EXOC4: variants seen among roughly 807,000 people sequenced by gnomAD.
EXOC4 encodes exocyst complex component 4.
A neutral mutation model predicts 107.2 loss-of-function variants in EXOC4; 71 were observed. The observed-to-expected ratio is 0.66, with a 90% CI of 0.55 to 0.81. EXOC4 has a LOEUF of 0.81. Among genes scored for constraint, EXOC4 ranks in the 30% least tolerant of loss-of-function variants. The probability of loss-of-function intolerance (pLI) is 0.00; values close to 1 mark genes in which losing one functional copy is unlikely to be tolerated. For synonymous variants in EXOC4, 456 were observed against 441.2 expected (o/e 1.03, Z -0.42); for missense variants, 1,108 against 1,189.6 (o/e 0.93, Z 1.01).
intron 5 of EXOC4, among the ~76,000 whole-genome samples, chr7:133,349,562 G>T (rs1468065551): frequency 6.6e-6 from 1 of 152,060 alleles, no homozygotes; most frequent in Non-Finnish European, 1.5e-5. Context: ...TTCGTGTGTT[G>T]ATGGACTCTT....
downstream of EXOC4, among the ~76,000 whole-genome samples, chr7:134,067,735 G>A (rs1047316605): frequency 1.3e-4 from 19 of 149,460 alleles, no homozygotes; most frequent in Non-Finnish European, 2.2e-4. Flanking sequence ...GTTACTTTTA[G>A]CTATATATTA....
At chr7:133,710,576 C>T (rs1288491306) in intron 10 of EXOC4, among the ~76,000 whole-genome samples, 4 of 147,660 alleles carry the variant, frequency 2.7e-5, no homozygotes, top group South Asian at 2.2e-4. Context: ...AGGAGAATGG[C>T]GTGAACCCGG....
At chr7:133,939,588 C>T (rs1257008481) in intron 14 of EXOC4, among the ~76,000 whole-genome samples, 1 of 152,218 alleles carries the variant, frequency 6.6e-6, no homozygotes, top group East Asian at 1.9e-4. Flanking sequence ...TCTTGAACTT[C>T]TGGCTTTAGG....
At chr7:133,744,047 C>A (rs1205433503) in intron 10 of EXOC4, among the ~76,000 whole-genome samples, 1 of 151,968 alleles carries the variant, frequency 6.6e-6, no homozygotes, top group Non-Finnish European at 1.5e-5. Flanking sequence ...ACTTTATAAA[C>A]TTTACAACCA....
chr7:133,431,721 G>A (rs1429141904), intron 7 of EXOC4, among the ~76,000 whole-genome samples: 2 of 152,232 alleles, frequency 1.3e-5, no homozygotes, highest in Admixed American at 1.3e-4. Flanking sequence ...GTTAAGTGGA[G>A]TTGTGTGCCA....
chr7:133,557,916 G>A (rs986628528), intron 9 of EXOC4, among the ~76,000 whole-genome samples: 4 of 152,120 alleles, frequency 2.6e-5, no homozygotes, highest in Non-Finnish European at 4.4e-5. Context: ...ATTTGAACCC[G>A]GGAGGCGGAG....
intron 7 of EXOC4, among the ~76,000 whole-genome samples, chr7:133,381,027 G>T (rs1448459383): frequency 3.3e-5 from 5 of 152,096 alleles, no homozygotes; most frequent in African/African-American, 1.2e-4. Flanking sequence ...TGTTGTGGAA[G>T]AATGGCCTTA....
intron 12 of EXOC4, among the ~76,000 whole-genome samples, chr7:133,909,919 ATTTT>A (rs764890539): frequency 4.0e-5 from 3 of 75,474 alleles, no homozygotes; most frequent in African/African-American, 1.7e-4. Flanking sequence ...GTTGAGACAG[ATTTT>A]TTTTTTTTTT....
Position 133,736,198 on chromosome 7 carries a change from C to T in EXOC4, c.1515-81127C>T, listed in dbSNP as rs146292062. 4.2e-3 allele frequency among the ~76,000 whole-genome samples: 647 copies of T among 152,322 alleles called. 1 individual carries two copies. Among genetic ancestry groups the T allele is most frequent in the Non-Finnish European group, 7.0e-3 (477 of 68,022 alleles). On this transcript the variant is annotated intron_variant, in intron 10 of 17. Transcript: ENST00000253861. ...AAGAAACCTTCCCCTTACCTGAGATCCTCTCAAGATACTCTTCTACCCCAA... is the reference window on the plus strand; with the variant it reads ...AAGAAACCTTCCCCTTACCTGAGATTCTCTCAAGATACTCTTCTACCCCAA...
At chr7:133,684,613 A>C (rs1197002220) in intron 10 of EXOC4, among the ~76,000 whole-genome samples, 3 of 152,224 alleles carry the variant, frequency 2.0e-5, no homozygotes, top group Non-Finnish European at 4.4e-5. Flanking sequence ...GTGCTAAAAT[A>C]TGTGGTAAAT....
chr7:134,092,141 A>G, the EXOC4 span, among the ~76,000 whole-genome samples: 2 of 152,148 alleles, frequency 1.3e-5, no homozygotes, highest in South Asian at 2.1e-4. Context: ...TTGAATTACT[A>G]GGTGTGGGGT....
At chr7:133,709,668 A>C (rs1794844061) in intron 10 of EXOC4, among the ~76,000 whole-genome samples, 1 of 102,808 alleles carries the variant, frequency 9.7e-6, no homozygotes, top group Non-Finnish European at 1.9e-5. Context: ...TTTTTTTTTC[A>C]AAGTGGTATG....
At chr7:133,897,984 C>CA (rs909041863) in intron 12 of EXOC4, among the ~76,000 whole-genome samples, 2 of 152,008 alleles carry the variant, frequency 1.3e-5, no homozygotes, top group Non-Finnish European at 2.9e-5. Context: ...GTTTGAGCAA[C>CA]ATCTCCCCAC....
At chr7:133,872,673 T>C (rs1017692756) in intron 11 of EXOC4, among the ~76,000 whole-genome samples, 1 of 152,226 alleles carries the variant, frequency 6.6e-6, no homozygotes, top group South Asian at 2.1e-4. Flanking sequence ...TATTTTGCGG[T>C]GAGCTCTATT....
intron 11 of EXOC4, among the ~76,000 whole-genome samples, chr7:133,866,921 C>T (rs1261595562): frequency 6.6e-6 from 1 of 152,178 alleles, no homozygotes; most frequent in East Asian, 1.9e-4. Flanking sequence ...AATGCGCATG[C>T]CCTCTCTCCT....
At chr7:133,576,664 A>G (rs1294617087) in intron 9 of EXOC4, 18 of 1,289,650 alleles carry the variant, frequency 1.4e-5, no homozygotes, top group Middle Eastern at 2.1e-4. Flanking sequence ...AAAAGAAACA[A>G]TCAGAAGTGA....
intron 5 of EXOC4, among the ~76,000 whole-genome samples, chr7:133,337,493 T>A (rs575193875): frequency 5.9e-5 from 9 of 152,268 alleles, no homozygotes; most frequent in African/African-American, 2.2e-4. Flanking sequence ...AATTAACATC[T>A]GTATTTCCTT....
At chr7:133,394,910 A>G (rs1310522458) in intron 7 of EXOC4, among the ~76,000 whole-genome samples, 3 of 152,012 alleles carry the variant, frequency 2.0e-5, no homozygotes, top group Non-Finnish European at 4.4e-5. Flanking sequence ...GGAAAATGTA[A>G]AAAAGAAAAA....
At position 134,007,810 on chromosome 7, in the gene EXOC4, C is replaced by T. The variant is rs140959939; in HGVS notation, c.2662C>T (p.Arg888Trp). ...QQNLTNITMS[R>W]EADLDFARQY... ...GAATTTGACCAACATCACCATGTCG[C>T]GGGAGGCAGACCTGGACTTTGCAAG... Residue 888 changes from arginine (R) to tryptophan (W), a missense_variant, in exon 17 of 18, where the codon CGG becomes TGG. Arg to Trp is a moderately radical substitution (Grantham distance 101). Transcript: ENST00000253861. The T allele has an allele frequency of 3.1e-6, 5 of 1,613,142 alleles. No homozygotes were observed. The highest frequency in any genetic ancestry group is 2.7e-5 in the African/African-American group (2 of 74,836).
Sources: gnomAD v4.1 joint callset for allele counts (sites outside exome capture counted in the v4.1 genomes callset) on GRCh38, gnomAD v4.1.1 for gene constraint, MANE v1.5 for transcripts, NCBI Gene and HGNC (gene_info 2026-07-23, HGNC 2026-07-21) for gene names.